The following PCDHGB3 variants were observed in gnomAD, a reference collection of about 807,000 sequenced individuals.
The protein encoded by PCDHGB3 is protocadherin gamma subfamily B, 3, also known as protocadherin gamma-B3.
In PCDHGB3, 40 loss-of-function variants were observed where a neutral mutation model predicts 59.2. The ratio of observed to expected loss-of-function variants is 0.68; its 90% CI spans 0.52 to 0.88. The LOEUF (loss-of-function observed/expected upper bound fraction) is 0.88, where lower values mean the gene tolerates loss of function less well. PCDHGB3 is among the 40% of genes least tolerant of loss of function. PCDHGB3 has a pLI of 0.00. For synonymous variants in PCDHGB3, 581 were observed against 503.6 expected, an observed-to-expected ratio of 1.15 and a Z score of -2.06; for missense variants, 1,309 against 1,187.9, an observed-to-expected ratio of 1.10 and a Z score of -1.50.
chr5:141,476,926 T>G lies in PCDHGB3; in HGVS notation c.2416-17881T>G, dbSNP rs779017502. ...GCGTGGTACAAGTCCTTGCAACGGA[T>G]CTGGATGAAGGCCCCAACGGTGAAA... is the stretch of plus-strand genomic sequence containing the variant. On this transcript the variant is annotated intron_variant, in intron 1 of 3. Coordinates refer to ENST00000576222, the MANE Select transcript of PCDHGB3 (RefSeq NM_018924.5). The surrounding 1 kb of genome is among the most constrained non-coding windows in gnomAD (Gnocchi z 7.6). 1 of 1,614,072 alleles carries G rather than the reference T, an allele frequency of 6.2e-7. No homozygotes were observed. The highest frequency in any genetic ancestry group is 1.1e-5 in the South Asian group (1 of 91,092).
At chr5:141,473,066 A>G (rs1002054198) in intron 1 of PCDHGB3, among the ~76,000 whole-genome samples, 3 of 152,128 alleles carry the variant, frequency 2.0e-5, no homozygotes, top group African/African-American at 7.2e-5. Context: ...AACAAGTTAC[A>G]GCATCTTTGT....
At position 141,416,083 on chromosome 5, in the gene PCDHGB3, A is replaced by T. The variant is rs183563665; in HGVS notation, c.2415+43274A>T. The T allele has an allele frequency of 1.6e-4, 27 of 167,232 alleles. 1 individual carries two copies. The East Asian group carries it at 3.9e-3, about 24-fold the overall frequency. The allele number at this position is 167,232 out of a possible 1,614,324, so 10.4% of individuals were successfully genotyped here. A position where few individuals can be genotyped will look rare whatever the true frequency, so the allele number is the denominator to read the frequency against. On this transcript the variant is annotated intron_variant, in intron 1 of 3. Transcript: ENST00000576222. Reference sequence around the variant, plus strand: ...AGAATACTCAATGCAGTTCTTCCCAAGGAGAAGGGCAATAGGCCTTTTTCA... The same window carrying T: ...AGAATACTCAATGCAGTTCTTCCCATGGAGAAGGGCAATAGGCCTTTTTCA...
At chr5:141,408,819 G>A in intron 1 of PCDHGB3, 1 of 1,613,520 alleles carries the variant, frequency 6.2e-7, no homozygotes, top group Non-Finnish European at 8.5e-7. Context: ...GAAGAACAGA[G>A]ATCTCATAGC....
At chr5:141,413,625 C>A (rs372855865) in intron 1 of PCDHGB3, 22 of 1,613,734 alleles carry the variant, frequency 1.4e-5, no homozygotes, top group Non-Finnish European at 1.9e-5. Flanking sequence ...ATGAAAATGT[C>A]GCTGCGGGAA....
intron 1 of PCDHGB3, among the ~76,000 whole-genome samples, chr5:141,494,113 C>G (rs2099751999): frequency 6.6e-6 from 1 of 152,214 alleles, no homozygotes; most frequent in Non-Finnish European, 1.5e-5. Flanking sequence ...TCAGACAGAG[C>G]AGCCTTGTTC....
chr5:141,409,599 C>T (rs753753955), intron 1 of PCDHGB3: 22 of 1,613,822 alleles, frequency 1.4e-5, no homozygotes, highest in Non-Finnish European at 1.8e-5. Flanking sequence ...GAGAACAACC[C>T]GCCAGGAGCC....
At chr5:141,466,624 G>C (rs1279938026) in intron 1 of PCDHGB3, among the ~76,000 whole-genome samples, 1 of 152,038 alleles carries the variant, frequency 6.6e-6, no homozygotes, top group Non-Finnish European at 1.5e-5. Context: ...GTTTTCTTTG[G>C]AGCATTGTCT....
At chr5:141,374,357 C>T (rs1490017184) in intron 1 of PCDHGB3, 1 of 1,614,018 alleles carries the variant, frequency 6.2e-7, no homozygotes, top group South Asian at 1.1e-5. Context: ...TAGGATAGAC[C>T]GCGAGGAGCT....
intron 1 of PCDHGB3, among the ~76,000 whole-genome samples, chr5:141,474,586 A>G (rs149003643): frequency 6.6e-6 from 1 of 152,222 alleles, no homozygotes; most frequent in Non-Finnish European, 1.5e-5. Flanking sequence ...AGTGTTAAAG[A>G]CATGGAAATA....
At position 141,489,380 on chromosome 5, in the gene PCDHGB3, A is replaced by G. The variant is rs753226956; in HGVS notation, c.2416-5427A>G. ...TCTGAGCCGGGGACGCTGGTGGGGA[A>G]TGTTGCTCAGGATCTGGGCTTAAAG... is the stretch of plus-strand genomic sequence containing the variant. On this transcript the variant is annotated intron_variant, in intron 1 of 3. Transcript: ENST00000576222. The surrounding 1 kb of genome is among the most constrained non-coding windows in gnomAD (Gnocchi z 4.5). The G allele has an allele frequency of 1.9e-6, 3 of 1,613,874 alleles. No individual in the cohort carries two copies. Among genetic ancestry groups the G allele is most frequent in the Admixed American group, 1.7e-5 (1 of 60,026 alleles).
At chr5:141,471,860 A>G (rs1470502617) in intron 1 of PCDHGB3, among the ~76,000 whole-genome samples, 1 of 152,202 alleles carries the variant, frequency 6.6e-6, no homozygotes, top group Non-Finnish European at 1.5e-5. Flanking sequence ...AAAAAGCAAA[A>G]CTGTGGTTGC....
intron 3 of PCDHGB3, among the ~76,000 whole-genome samples, chr5:141,509,211 C>T (rs962706371): frequency 2.0e-5 from 3 of 152,180 alleles, no homozygotes; most frequent in African/African-American, 4.8e-5. Context: ...CTCTCTATTT[C>T]TCAATCCCTG....
At chr5:141,482,457 C>T (rs1279922250) in intron 1 of PCDHGB3, among the ~76,000 whole-genome samples, 3 of 147,484 alleles carry the variant, frequency 2.0e-5, no homozygotes, top group Non-Finnish European at 3.0e-5. Context: ...TATTAGCATC[C>T]CTATGTGCCA....
Position 141,370,835 on chromosome 5 carries a change from C to G in PCDHGB3, c.441C>G (p.Leu147=). 6.2e-7 allele frequency: 1 copy of G among 1,613,964 alleles called. No homozygotes were observed. The highest frequency in any genetic ancestry group is 2.2e-5 in the East Asian group (1 of 44,884). ...AGCTGGAAATCAGCGAACTGGCTCT[C>G]ACTGGAGCCACATTTGCCCTGGAAT... ...ITELEISELA[L]TGATFALESA... is the part of the protein sequence containing the mutation. The change falls in exon 1 of 4, where the codon CTC becomes CTG. Residue 147 remains leucine (L), a synonymous_variant. Coordinates refer to ENST00000576222, the MANE Select transcript of PCDHGB3 (RefSeq NM_018924.5).
intron 1 of PCDHGB3, chr5:141,383,409 C>A (rs199780721): frequency 4.3e-6 from 7 of 1,613,892 alleles, no homozygotes; most frequent in Non-Finnish European, 5.9e-6. Flanking sequence ...TCCAGAGTTA[C>A]CAGCTCAGCC....
At chr5:141,375,585 T>C (rs765334095) in intron 1 of PCDHGB3, 7 of 1,614,014 alleles carry the variant, frequency 4.3e-6, no homozygotes, top group African/African-American at 1.3e-5. Context: ...GGGGCGCCCC[T>C]GTCCTCCTAC....
chr5:141,455,343 G>T (rs1462807460), intron 1 of PCDHGB3, among the ~76,000 whole-genome samples: 1 of 152,036 alleles, frequency 6.6e-6, no homozygotes, highest in Non-Finnish European at 1.5e-5. Flanking sequence ...TTTAAGGAGC[G>T]GAGAGTTTAA....
At chr5:141,392,465 C>A (rs2092539675) in intron 1 of PCDHGB3, 2 of 174,278 alleles carry the variant, frequency 1.1e-5, no homozygotes, top group Admixed American at 6.2e-5. Flanking sequence ...ACGGATAAAT[C>A]AAATAAATTC....
At chr5:141,405,002 C>G in intron 1 of PCDHGB3, 2 of 1,613,988 alleles carry the variant, frequency 1.2e-6, no homozygotes, top group Non-Finnish European at 1.7e-6. Context: ...CCCTGCAGAC[C>G]TGGAGGCCTC....
Sources: gnomAD v4.1 joint callset for allele counts (sites outside exome capture counted in the v4.1 genomes callset) on GRCh38, gnomAD v4.1.1 for gene constraint, Gnocchi (gnomAD v3.1) non-coding constraint, MANE v1.5 for transcripts, NCBI Gene and HGNC (gene_info 2026-07-23, HGNC 2026-07-21) for gene names.